Variants in ZNF365 observed in about 807,000 individuals in gnomAD.
The protein encoded by ZNF365 is protein ZNF365.
In ZNF365, 22 loss-of-function variants were observed where a neutral mutation model predicts 35.0. That is an observed-to-expected ratio of 0.63 (90% CI 0.45 to 0.90). ZNF365 has a LOEUF of 0.90. ZNF365 is among the 40% of genes least tolerant of loss of function. The pLI is 0.00. For synonymous variants in ZNF365, 188 were observed against 196.2 expected (o/e 0.96, Z 0.35); for missense variants, 448 against 500.3 (o/e 0.90, Z 1.00).
chr10:62,424,899 G>C (rs1319449696), intron 3 of ZNF365, among the ~76,000 whole-genome samples: 1 of 152,146 alleles, frequency 6.6e-6, no homozygotes, highest in Non-Finnish European at 1.5e-5. Context: ...TAATTATCTT[G>C]TGGAACCAGA....
chr10:62,412,896 C>T (rs1840008767), intron 3 of ZNF365, among the ~76,000 whole-genome samples: 1 of 152,010 alleles, frequency 6.6e-6, no homozygotes, highest in South Asian at 2.1e-4. Flanking sequence ...CCATTGAGCC[C>T]CATCTGATCT....
rs183817562 is a variant in ZNF365 at position 62,388,922 on chromosome 10, A to G, written c.924+346A>G. Among the ~76,000 whole-genome samples, 1,453 of 152,308 alleles carry G rather than the reference A, an allele frequency of 9.5e-3. 8 individuals carry two copies. Among genetic ancestry groups the G allele is most frequent in the Admixed American group, 0.019 (294 of 15,300 alleles). ...TTGATGTTCAAGTAGCTCAGAAGTT[A>G]TTATCATGTTTTGGAGGTCTTCAAG... On this transcript the variant is annotated intron_variant, in intron 3 of 4. Transcript: ENST00000395254.
At chr10:62,408,399 T>A (rs934817754) in intron 3 of ZNF365, among the ~76,000 whole-genome samples, 1 of 152,194 alleles carries the variant, frequency 6.6e-6, no homozygotes, top group African/African-American at 2.4e-5. Context: ...TTAACCTATC[T>A]AATAGAAACA....
At chr10:62,434,485 T>C (rs1840378505) in intron 3 of ZNF365, among the ~76,000 whole-genome samples, 1 of 152,136 alleles carries the variant, frequency 6.6e-6, no homozygotes, top group South Asian at 2.1e-4. Flanking sequence ...GCCTGAACAA[T>C]TCATTCATCC....
At chr10:62,428,958 T>A (rs998056033) in intron 3 of ZNF365, among the ~76,000 whole-genome samples, 18 of 152,186 alleles carry the variant, frequency 1.2e-4, no homozygotes, top group Admixed American at 1.1e-3. Flanking sequence ...TTTCAGGCTA[T>A]CAGTGTGCAG....
chr10:62,448,159 T>C (rs1025840671), intron 3 of ZNF365, among the ~76,000 whole-genome samples: 1 of 152,252 alleles, frequency 6.6e-6, no homozygotes, highest in Admixed American at 6.5e-5. Flanking sequence ...TCAGCTTGTG[T>C]TCATTAAGTA....
chr10:62,419,144 C>A (rs1337424571), intron 3 of ZNF365, among the ~76,000 whole-genome samples: 4 of 152,092 alleles, frequency 2.6e-5, no homozygotes, highest in African/African-American at 9.7e-5. Flanking sequence ...TTGATACAGT[C>A]TACTCCTGAA....
chr10:62,403,272 T>TGGA (rs1839857945), downstream of ZNF365, among the ~76,000 whole-genome samples: 2 of 152,282 alleles, frequency 1.3e-5, no homozygotes, highest in South Asian at 2.1e-4. Flanking sequence ...CATAGAGGAC[T>TGGA]TCATCGTCAT....
intron 3 of ZNF365, among the ~76,000 whole-genome samples, chr10:62,445,421 A>C (rs1341531115): frequency 6.6e-6 from 1 of 151,892 alleles, no homozygotes; most frequent in Non-Finnish European, 1.5e-5. Flanking sequence ...ATTTCTCCAC[A>C]TCCTCTCCAG....
intron 4 of ZNF365, among the ~76,000 whole-genome samples, chr10:62,468,333 C>T (rs1840978214): frequency 6.6e-6 from 1 of 152,042 alleles, no homozygotes; most frequent in Non-Finnish European, 1.5e-5. Context: ...TATGAAGGGA[C>T]ATCAAAATGT....
chr10:62,441,268 C>A (rs189269280), intron 3 of ZNF365, among the ~76,000 whole-genome samples: 9 of 152,258 alleles, frequency 5.9e-5, no homozygotes, highest in Middle Eastern at 3.4e-3. Flanking sequence ...TACTTAGAAC[C>A]ATTCTACACC....
intron 3 of ZNF365, among the ~76,000 whole-genome samples, chr10:62,427,395 G>A (rs1840266745): frequency 6.6e-6 from 1 of 152,138 alleles, no homozygotes; most frequent in African/African-American, 2.4e-5. Flanking sequence ...AGGAGCAATA[G>A]GCTATACCAC....
chr10:62,443,113 G>A (rs1335434042), intron 3 of ZNF365, among the ~76,000 whole-genome samples: 2 of 152,160 alleles, frequency 1.3e-5, no homozygotes, highest in African/African-American at 4.8e-5. Context: ...TTTTACCACT[G>A]ACCAGTGCCC....
intron 3 of ZNF365, among the ~76,000 whole-genome samples, chr10:62,395,966 CAA>C (rs1839720382): frequency 6.6e-6 from 1 of 152,054 alleles, no homozygotes; most frequent in Non-Finnish European, 1.5e-5. Context: ...TCTCCCTAAT[CAA>C]AAAGAAGACA....
chr10:62,407,220 A>G (rs551140746), downstream of ZNF365, among the ~76,000 whole-genome samples: 1 of 152,340 alleles, frequency 6.6e-6, no homozygotes, highest in South Asian at 2.1e-4. Flanking sequence ...AGTGTTTGTT[A>G]TGAGGTCAGC....
Position 62,401,027 on chromosome 10 carries a change from T to A in ZNF365, c.*1238T>A. The stretch of plus-strand genomic sequence containing the variant: ...GATTTTCCTCAAGAATGAATTTCCA[T>A]GTTATTTTTTCCTTAAATTTAGCAA... On this transcript the variant is annotated 3_prime_UTR_variant, in exon 5 of 5. Transcript: ENST00000395254. The A allele has an allele frequency of 1.0e-6, 1 of 985,560 alleles. No homozygotes were observed. Among genetic ancestry groups the A allele is most frequent in the Non-Finnish European group, 1.2e-6 (1 of 829,922 alleles). 61.1% of individuals were successfully genotyped at this position (985,560 alleles called of 1,614,324 possible).
intron 4 of ZNF365, among the ~76,000 whole-genome samples, chr10:62,471,884 G>A (rs1388305670): frequency 3.0e-4 from 46 of 152,194 alleles, no homozygotes; most frequent in Admixed American, 2.9e-3. Context: ...TGGTTATAAA[G>A]TAAAATTCTA....
At chr10:62,428,260 G>A (rs1411811654) in intron 3 of ZNF365, among the ~76,000 whole-genome samples, 2 of 152,130 alleles carry the variant, frequency 1.3e-5, no homozygotes, top group Non-Finnish European at 2.9e-5. Flanking sequence ...ATATTAGAGA[G>A]GCCTTGATAT....
chr10:62,393,568 T>A (rs1839671602), intron 3 of ZNF365, among the ~76,000 whole-genome samples: 2 of 152,238 alleles, frequency 1.3e-5, no homozygotes, highest in African/African-American at 2.4e-5. Flanking sequence ...ACTGTGTATA[T>A]GTGTGTGCCA....
Sources: gnomAD v4.1 joint callset for allele counts (sites outside exome capture counted in the v4.1 genomes callset) on GRCh38, gnomAD v4.1.1 for gene constraint, MANE v1.5 for transcripts, NCBI Gene and HGNC (gene_info 2026-07-23, HGNC 2026-07-21) for gene names.